APBA1: variants seen among roughly 807,000 people sequenced by gnomAD.
APBA1 encodes the protein amyloid-beta A4 precursor protein-binding family A member 1.
A neutral mutation model predicts 86.6 loss-of-function variants in APBA1; 55 were observed. The observed-to-expected ratio is 0.64, with a 90% confidence interval of 0.51 to 0.80. The LOEUF (loss-of-function observed/expected upper bound fraction) is 0.80. Ranked by LOEUF, APBA1 falls within the 30% of genes least tolerant of loss-of-function variation. The pLI, the probability that APBA1 is intolerant of heterozygous loss-of-function variation, is 0.00. For missense variants in APBA1, 1,090 were observed against 1,183.0 expected (o/e 0.92, Z 1.15); for synonymous variants, 511 against 493.9 (o/e 1.03, Z -0.46).
At chr9:69,488,856 A>G (rs903488456) in intron 2 of APBA1, among the ~76,000 whole-genome samples, 1 of 152,166 alleles carries the variant, frequency 6.6e-6, no homozygotes, top group Non-Finnish European at 1.5e-5. Context: ...AGAGAGCCAA[A>G]TCATGAGTGA....
chr9:69,505,230 G>A (rs77140822), intron 2 of APBA1, among the ~76,000 whole-genome samples: 34 of 152,198 alleles, frequency 2.2e-4, no homozygotes, highest in African/African-American at 7.7e-4. Flanking sequence ...GCTGACAGGC[G>A]CACAGCCATC....
intron 6 of APBA1, 74 bp from the exon 7 acceptor site, chr9:69,457,213 G>T: frequency 8.6e-7 from 1 of 1,165,578 alleles, no homozygotes. Context: ...AGTAAGGTTA[G>T]CTCACACAGA....
chr9:69,557,333 A>T (rs976671055), intron 1 of APBA1, among the ~76,000 whole-genome samples: 4 of 152,206 alleles, frequency 2.6e-5, no homozygotes, highest in Admixed American at 2.6e-4. Context: ...CCTTATCTTC[A>T]TCCAGGAAGA....
intron 1 of APBA1, among the ~76,000 whole-genome samples, chr9:69,563,230 T>C (rs980834664): frequency 2.0e-5 from 3 of 152,200 alleles, no homozygotes; most frequent in Admixed American, 6.5e-5. Flanking sequence ...ATTAATAAAC[T>C]TAAGAAAAAG....
intron 1 of APBA1, among the ~76,000 whole-genome samples, chr9:69,558,764 T>G (rs1403862128): frequency 1.3e-5 from 2 of 152,128 alleles, no homozygotes; most frequent in African/African-American, 2.4e-5. Context: ...CAGTGTCTGT[T>G]GTTCCCTTCT....
chr9:69,613,590 T>C (rs1432441652), intron 1 of APBA1, among the ~76,000 whole-genome samples: 3 of 152,168 alleles, frequency 2.0e-5, no homozygotes, highest in African/African-American at 7.2e-5. Flanking sequence ...TTTCAACTTT[T>C]TAACCAGCTC....
chr9:69,497,956 G>T (rs1835825985), intron 2 of APBA1, among the ~76,000 whole-genome samples: 1 of 152,126 alleles, frequency 6.6e-6, no homozygotes. Context: ...AAGCCCAGTA[G>T]CTCTTTGCTG....
In APBA1 at chr9:69,457,148, A is replaced by G. The variant is rs1206865538; in HGVS notation, c.1516-9T>C. The G allele has an allele frequency of 6.2e-7, 1 of 1,611,424 alleles. No individual in the cohort carries two copies. Among genetic ancestry groups the G allele is most frequent in the Admixed American group, 1.7e-5 (1 of 60,018 alleles). ...GATTCGCCTTCAGGAGCCTGAGAAG[A>G]AAAAATGCACCAAGAGAAAGTTTGA... On this transcript the variant is annotated splice_polypyrimidine_tract_variant and intron_variant, in intron 6 of 12. Transcript: ENST00000265381.
chr9:69,455,101 C>T (rs1835073502), intron 8 of APBA1, among the ~76,000 whole-genome samples: 1 of 152,156 alleles, frequency 6.6e-6, no homozygotes, highest in Admixed American at 6.5e-5. Flanking sequence ...CTGCTGACAC[C>T]TAACTTCCGA....
intron 1 of APBA1, among the ~76,000 whole-genome samples, chr9:69,530,970 T>C (rs1313877935): frequency 6.6e-6 from 1 of 152,216 alleles, no homozygotes; most frequent in Non-Finnish European, 1.5e-5. Flanking sequence ...GAGTCACATA[T>C]GTAATTCAAA....
intron 1 of APBA1, among the ~76,000 whole-genome samples, chr9:69,519,856 C>A (rs982439438): frequency 6.6e-6 from 1 of 152,216 alleles, no homozygotes; most frequent in Non-Finnish European, 1.5e-5. Flanking sequence ...CCTCTTATAA[C>A]CCATGTATTG....
chr9:69,618,549 A>C (rs992404254), intron 1 of APBA1, among the ~76,000 whole-genome samples: 3 of 152,214 alleles, frequency 2.0e-5, no homozygotes, highest in South Asian at 4.1e-4. Context: ...GGAGGTATGA[A>C]GTAAATCAAG....
intron 1 of APBA1, among the ~76,000 whole-genome samples, chr9:69,586,430 A>G (rs1472702141): frequency 6.6e-6 from 1 of 152,210 alleles, no homozygotes; most frequent in African/African-American, 2.4e-5. Context: ...CCATAACTCA[A>G]CAACGGCTGG....
intron 1 of APBA1, among the ~76,000 whole-genome samples, chr9:69,522,344 CA>C (rs1836266943): frequency 7.0e-6 from 1 of 143,374 alleles, no homozygotes; most frequent in Non-Finnish European, 1.5e-5. Flanking sequence ...GACTTCTAGA[CA>C]TTGGCATGAT....
chr9:69,662,813 C>T (rs1315279864), intron 1 of APBA1, among the ~76,000 whole-genome samples: 1 of 152,174 alleles, frequency 6.6e-6, no homozygotes, highest in African/African-American at 2.4e-5. Flanking sequence ...GGCCCAGTGA[C>T]TTGACACGGT....
At chr9:69,532,122 T>A (rs183358182) in intron 1 of APBA1, among the ~76,000 whole-genome samples, 10 of 152,236 alleles carry the variant, frequency 6.6e-5, no homozygotes, top group Admixed American at 5.9e-4. Flanking sequence ...TTGTAACAAA[T>A]GTACCACTCT....
intron 11 of APBA1, among the ~76,000 whole-genome samples, chr9:69,435,755 G>C (rs920289209): frequency 4.6e-5 from 7 of 152,204 alleles, no homozygotes; most frequent in Admixed American, 2.6e-4. Flanking sequence ...TGTTCACTCC[G>C]ATGGTAGTTT....
At chr9:69,523,890 T>C (rs770144362) in intron 1 of APBA1, among the ~76,000 whole-genome samples, 1 of 152,054 alleles carries the variant, frequency 6.6e-6, no homozygotes, top group Admixed American at 6.6e-5. Flanking sequence ...GCCATATTCT[T>C]GGATCACAAT....
intron 2 of APBA1, among the ~76,000 whole-genome samples, chr9:69,504,786 C>G (rs1835928867): frequency 6.6e-6 from 1 of 151,990 alleles, no homozygotes; most frequent in African/African-American, 2.4e-5. Context: ...CCAACTCTTG[C>G]CATGTCCCCA....
Sources: gnomAD v4.1 joint callset for allele counts (sites outside exome capture counted in the v4.1 genomes callset) on GRCh38, gnomAD v4.1.1 for gene constraint, MANE v1.5 for transcripts, NCBI Gene and HGNC (gene_info 2026-07-23, HGNC 2026-07-21) for gene names.